Variants in KAZN observed in about 807,000 individuals in gnomAD.
KAZN encodes kazrin.
In KAZN, 40 loss-of-function variants were observed where a neutral mutation model predicts 87.4. That is an observed-to-expected ratio of 0.46 (90% CI 0.36 to 0.60). The LOEUF is 0.60. Ranked by LOEUF, KAZN falls within the 20% of genes least tolerant of loss-of-function variation. The pLI is 0.00. For synonymous variants in KAZN, 466 were observed against 458.3 expected (o/e 1.02, Z -0.22); for missense variants, 898 against 1,073.9 (o/e 0.84, Z 2.29).
intron 10 of KAZN, 119 bp downstream of exon 10, chr1:15,095,052 G>A (rs946543784): frequency 1.4e-5 from 10 of 701,610 alleles, no homozygotes; most frequent in Non-Finnish European, 2.0e-5. Context: ...GGACAGCAGG[G>A]TGTGACTAAG....
chr1:14,499,205 G>A (rs1038111011), intron 2 of KAZN, among the ~76,000 whole-genome samples: 5 of 152,104 alleles, frequency 3.3e-5, no homozygotes, highest in African/African-American at 7.2e-5. Context: ...CAGGCAAGTC[G>A]TGTGAGTTCA....
At chr1:14,387,897 G>A (rs2101076179) in intron 2 of KAZN, among the ~76,000 whole-genome samples, 1 of 152,360 alleles carries the variant, frequency 6.6e-6, no homozygotes, top group South Asian at 2.1e-4. Context: ...GCAATGGCGG[G>A]CGCCCCTCTC....
intron 1 of KAZN, among the ~76,000 whole-genome samples, chr1:14,752,239 T>A (rs1008222306): frequency 6.6e-6 from 1 of 152,176 alleles, no homozygotes; most frequent in African/African-American, 2.4e-5. Flanking sequence ...GATCCAACTT[T>A]AACATGAGGT....
intron 2 of KAZN, among the ~76,000 whole-genome samples, chr1:14,469,827 G>A (rs1372252420): frequency 6.6e-6 from 1 of 152,084 alleles, no homozygotes; most frequent in Non-Finnish European, 1.5e-5. Context: ...GGAAGATTTG[G>A]GACTAACCTC....
chr1:14,473,870 C>T (rs909609098), intron 2 of KAZN, among the ~76,000 whole-genome samples: 18 of 152,130 alleles, frequency 1.2e-4, no homozygotes, highest in African/African-American at 3.4e-4. Context: ...GGGAGGCTGA[C>T]TCTTCCTCTT....
At chr1:14,600,332 TGAGA>T (rs1376168985) in intron 1 of KAZN, among the ~76,000 whole-genome samples, 1 of 152,310 alleles carries the variant, frequency 6.6e-6, no homozygotes, top group South Asian at 2.1e-4. Context: ...TCTTGAGGGT[TGAGA>T]GAGTCTGTTT....
chr1:14,835,820 CT>C (rs978137092), intron 1 of KAZN, among the ~76,000 whole-genome samples: 8 of 150,808 alleles, frequency 5.3e-5, no homozygotes, highest in Admixed American at 3.3e-4. Flanking sequence ...CCCCCGCCCC[CT>C]GACAGCTCCC....
At chr1:14,596,805 C>T (rs1676539734), upstream of KAZN, among the ~76,000 whole-genome samples, 1 of 152,214 alleles carries the variant, frequency 6.6e-6, no homozygotes, top group South Asian at 2.1e-4. Context: ...GAGTAATATT[C>T]CATTGCATAC....
At chr1:13,955,417 G>A (rs2101008130) in intron 1 of KAZN, among the ~76,000 whole-genome samples, 1 of 152,056 alleles carries the variant, frequency 6.6e-6, no homozygotes, top group South Asian at 2.1e-4. Flanking sequence ...ATAAATAAAT[G>A]TCCTTTAAAT....
intron 1 of KAZN, among the ~76,000 whole-genome samples, chr1:14,151,566 G>A (rs768087215): frequency 2.0e-5 from 3 of 152,088 alleles, no homozygotes; most frequent in Non-Finnish European, 2.9e-5. Context: ...CTCTGGAAAC[G>A]GATAAAACAA....
chr1:14,611,236 ATC>A (rs1677793986), intron 1 of KAZN, among the ~76,000 whole-genome samples: 1 of 152,148 alleles, frequency 6.6e-6, no homozygotes, highest in East Asian at 1.9e-4. Flanking sequence ...TGGGACTCTG[ATC>A]TCTGTTTCAA....
At chr1:14,859,506 T>G (rs1650586113) in intron 1 of KAZN, among the ~76,000 whole-genome samples, 1 of 152,196 alleles carries the variant, frequency 6.6e-6, no homozygotes, top group African/African-American at 2.4e-5. Flanking sequence ...AAATCTTTCC[T>G]GAGAAGTGGA....
intron 2 of KAZN, among the ~76,000 whole-genome samples, chr1:14,267,919 C>T (rs1479951824): frequency 6.6e-6 from 1 of 152,164 alleles, no homozygotes; most frequent in East Asian, 1.9e-4. Context: ...GAGATCATGC[C>T]ACTGCACTTG....
At chr1:14,645,092 T>C (rs2148683114) in intron 1 of KAZN, among the ~76,000 whole-genome samples, 1 of 152,328 alleles carries the variant, frequency 6.6e-6, no homozygotes, top group Admixed American at 6.5e-5. Context: ...GTTAGTTTTG[T>C]TGAAGATTGG....
chr1:14,246,303 C>T (rs1361057282), intron 2 of KAZN, among the ~76,000 whole-genome samples: 3 of 151,436 alleles, frequency 2.0e-5, no homozygotes, highest in Non-Finnish European at 4.4e-5. Flanking sequence ...CAAACCTGCA[C>T]ATCCTGAGCA....
chr1:14,274,157 G>A (rs938054552), intron 2 of KAZN, among the ~76,000 whole-genome samples: 1 of 152,170 alleles, frequency 6.6e-6, no homozygotes, highest in Admixed American at 6.5e-5. Context: ...TACAAACGTT[G>A]CCTTGGGGTT....
At chr1:14,118,824 G>A (rs1304823571) in intron 1 of KAZN, among the ~76,000 whole-genome samples, 5 of 152,172 alleles carry the variant, frequency 3.3e-5, no homozygotes, top group South Asian at 2.1e-4. Flanking sequence ...AGCCGGGAAT[G>A]TCTTACTGGA....
At chr1:14,242,573 G>C (rs1023380356) in intron 2 of KAZN, among the ~76,000 whole-genome samples, 6 of 152,222 alleles carry the variant, frequency 3.9e-5, no homozygotes, top group Admixed American at 1.3e-4. Context: ...TTATATTTGG[G>C]TGGGGGGATA....
At chr1:15,095,517 C>T (rs1449077909) in intron 10 of KAZN, among the ~76,000 whole-genome samples, 1 of 151,722 alleles carries the variant, frequency 6.6e-6, no homozygotes, top group Non-Finnish European at 1.5e-5. Flanking sequence ...TGCTCTGCCT[C>T]CGGCCTGCCT....
Sources: allele counts gnomAD v4.1 joint callset (sites outside exome capture counted in the v4.1 genomes callset), GRCh38; gene constraint gnomAD v4.1.1; transcripts MANE v1.5; gene names NCBI Gene and HGNC (gene_info 2026-07-23, HGNC 2026-07-21).